Variants in GALNTL6 observed in about 807,000 individuals in gnomAD.
GALNTL6 encodes the protein polypeptide N-acetylgalactosaminyltransferase like 6.
A neutral mutation model predicts 73.7 loss-of-function variants in GALNTL6; 46 were observed. The ratio of observed to expected loss-of-function variants is 0.62; its 90% CI spans 0.49 to 0.80. GALNTL6 has a LOEUF of 0.80. Ranked by LOEUF, GALNTL6 falls within the 30% of genes least tolerant of loss-of-function variation. GALNTL6 has a pLI of 0.00. For synonymous variants in GALNTL6, 259 were observed against 263.7 expected (o/e 0.98, Z 0.17); for missense variants, 604 against 755.0 (o/e 0.80, Z 2.34).
chr4:172,221,678 G>A (rs1736680656), intron 2 of GALNTL6, among the ~76,000 whole-genome samples: 1 of 151,660 alleles, frequency 6.6e-6, no homozygotes, highest in African/African-American at 2.4e-5. Context: ...TTTCTACAAG[G>A]TATGCAGCTG....
chr4:172,487,445 G>A (rs1156426242), intron 5 of GALNTL6, among the ~76,000 whole-genome samples: 2 of 150,196 alleles, frequency 1.3e-5, no homozygotes, highest in African/African-American at 4.9e-5. Context: ...GAGTACAGTG[G>A]TGTGATCTTG....
rs78951353 is a variant in GALNTL6, at chr4:172,124,966, T to C, written c.139-104690T>C. On this transcript the variant is annotated intron_variant, in intron 2 of 12. Coordinates refer to ENST00000506823, the MANE Select transcript of GALNTL6 (RefSeq NM_001034845.3). ...ATTTATGCTTGAGGAAAACTTTGCT[T>C]TTTTAGGCCTTCAAGAAAGAACATT... Among the ~76,000 whole-genome samples, 1,234 of 152,210 alleles carry C rather than the reference T, an allele frequency of 8.1e-3. 20 individuals carry two copies. Among genetic ancestry groups the C allele is most frequent in the African/African-American group, 0.028 (1,166 of 41,546 alleles).
At chr4:172,112,630 T>C (rs1170002993) in intron 2 of GALNTL6, among the ~76,000 whole-genome samples, 1 of 152,020 alleles carries the variant, frequency 6.6e-6, no homozygotes, top group African/African-American at 2.4e-5. Context: ...TTTTAATTTG[T>C]ATTTCCCTAA....
chr4:172,991,099 C>A (rs760787814), intron 10 of GALNTL6, among the ~76,000 whole-genome samples: 18 of 152,024 alleles, frequency 1.2e-4, no homozygotes, highest in Non-Finnish European at 2.6e-4. Context: ...AAATAGAATT[C>A]CATGTCACTA....
chr4:172,663,886 T>A (rs1033288366), intron 5 of GALNTL6, among the ~76,000 whole-genome samples: 14 of 150,402 alleles, frequency 9.3e-5, no homozygotes, highest in Non-Finnish European at 1.8e-4. Context: ...GCCAAGATCA[T>A]GTCACTGCAC....
At chr4:172,367,805 T>C (rs1283308839) in intron 5 of GALNTL6, among the ~76,000 whole-genome samples, 2 of 152,254 alleles carry the variant, frequency 1.3e-5, no homozygotes, top group African/African-American at 4.8e-5. Context: ...GCACATGTTT[T>C]CTTCCAAAGA....
At chr4:171,902,217 G>T (rs1277431592) in intron 2 of GALNTL6, among the ~76,000 whole-genome samples, 1 of 152,128 alleles carries the variant, frequency 6.6e-6, no homozygotes, top group African/African-American at 2.4e-5. Flanking sequence ...GTAAGACAAA[G>T]AGAATGATAA....
chr4:172,816,738 A>C lies in GALNTL6; in HGVS notation c.923+3015A>C, dbSNP rs562957558. On this transcript the variant is annotated intron_variant, in intron 7 of 12. Transcript: ENST00000506823. ...TGTTTTTCAACAAACTGCTACTAGAATATAAGAGAAAAGGCAGCATTCATG... is the reference window on the plus strand; with the variant it reads ...TGTTTTTCAACAAACTGCTACTAGACTATAAGAGAAAAGGCAGCATTCATG... Among the ~76,000 whole-genome samples, 7 of 152,340 alleles carry C rather than the reference A, an allele frequency of 4.6e-5. No homozygotes were observed. The South Asian group carries it at 1.5e-3, about 32-fold the overall frequency.
rs1734536936 is a variant in GALNTL6 at position 171,816,764 on chromosome 4, G to A, written c.138+2046G>A. 2.0e-5 allele frequency among the ~76,000 whole-genome samples: 3 copies of A among 151,994 alleles called. No homozygotes were observed. The South Asian group carries it at 6.2e-4, about 32-fold the overall frequency. ...TATAATTCACTGTAAAATAGAAACA[G>A]TTCATTTTCATTGGTTTTATTCTAT... On this transcript the variant is annotated intron_variant, in intron 2 of 12. Coordinates refer to ENST00000506823, the MANE Select transcript of GALNTL6 (RefSeq NM_001034845.3).
At chr4:172,100,948 C>T (rs1046633852) in intron 2 of GALNTL6, among the ~76,000 whole-genome samples, 3 of 152,038 alleles carry the variant, frequency 2.0e-5, no homozygotes, top group Admixed American at 6.6e-5. Context: ...AAATACATAC[C>T]CTTAAGTTAG....
chr4:172,322,495 G>C (rs1740795494), intron 4 of GALNTL6, among the ~76,000 whole-genome samples: 1 of 152,084 alleles, frequency 6.6e-6, no homozygotes, highest in Non-Finnish European at 1.5e-5. Context: ...CCTGAGACTG[G>C]GTAACTTATA....
At chr4:172,281,421 C>T (rs1258747360) in intron 3 of GALNTL6, among the ~76,000 whole-genome samples, 5 of 151,876 alleles carry the variant, frequency 3.3e-5, no homozygotes, top group African/African-American at 9.7e-5. Flanking sequence ...GTTGACCAGG[C>T]GTGATGTTCA....
chr4:171,922,119 A>G (rs2110980495), intron 2 of GALNTL6, among the ~76,000 whole-genome samples: 1 of 151,652 alleles, frequency 6.6e-6, no homozygotes, highest in East Asian at 1.9e-4. Context: ...CTTATGTGAA[A>G]AGCAATTTTG....
intron 5 of GALNTL6, among the ~76,000 whole-genome samples, chr4:172,716,413 A>G (rs1735095961): frequency 6.6e-6 from 1 of 152,140 alleles, no homozygotes; most frequent in African/African-American, 2.4e-5. Flanking sequence ...TTTTATAATA[A>G]GGCTCTCAAT....
At chr4:172,781,977 T>C (rs1037698717) in intron 5 of GALNTL6, among the ~76,000 whole-genome samples, 3 of 151,730 alleles carry the variant, frequency 2.0e-5, no homozygotes, top group African/African-American at 4.8e-5. Context: ...TCAAAAATAG[T>C]ATTTCCTATC....
intron 3 of GALNTL6, among the ~76,000 whole-genome samples, chr4:172,267,183 T>C (rs145744351): frequency 6.5e-4 from 99 of 152,210 alleles, no homozygotes; most frequent in African/African-American, 1.9e-3. Context: ...AATAGACTTG[T>C]TTGTTTAATA....
chr4:172,126,494 T>A (rs1733297400), intron 2 of GALNTL6, among the ~76,000 whole-genome samples: 1 of 151,920 alleles, frequency 6.6e-6, no homozygotes, highest in Non-Finnish European at 1.5e-5. Context: ...ACACCTGAAG[T>A]GTAAGGGACA....
intron 5 of GALNTL6, among the ~76,000 whole-genome samples, chr4:172,460,807 G>A (rs1465259214): frequency 1.3e-5 from 2 of 152,174 alleles, no homozygotes; most frequent in Admixed American, 6.5e-5. Context: ...AAGACAGTGT[G>A]ACAATTCCTC....
intron 5 of GALNTL6, among the ~76,000 whole-genome samples, chr4:172,715,024 C>T (rs1188923689): frequency 6.6e-6 from 1 of 151,690 alleles, no homozygotes; most frequent in African/African-American, 2.4e-5. Flanking sequence ...TAATCAAATT[C>T]TGTATAAAAG....
Sources: gnomAD v4.1 joint callset for allele counts (sites outside exome capture counted in the v4.1 genomes callset) on GRCh38, gnomAD v4.1.1 for gene constraint, MANE v1.5 for transcripts, NCBI Gene and HGNC (gene_info 2026-07-23, HGNC 2026-07-21) for gene names.